The following TP73 variants were observed in gnomAD, a reference collection of about 807,000 sequenced individuals.
TP73 encodes p53-like transcription factor.
TP73 carries 25 observed loss-of-function variants against 62.5 expected under a neutral mutation model. The ratio of observed to expected loss-of-function variants is 0.40; its 90% CI spans 0.29 to 0.56. The LOEUF is 0.56. Among genes scored for constraint, TP73 ranks in the 20% least tolerant of loss-of-function variants. The pLI is 0.46. For missense variants in TP73, 754 were observed against 913.3 expected, an observed-to-expected ratio of 0.83 and a Z score of 2.25; for synonymous variants, 423 against 377.5, an observed-to-expected ratio of 1.12 and a Z score of -1.40.
intron 7 of TP73, 177 bp downstream of exon 7, chr1:3,727,401 T>C (rs901518977): frequency 2.2e-6 from 2 of 917,610 alleles, no homozygotes; most frequent in Non-Finnish European, 1.6e-6. Flanking sequence ...GGGCACAAGC[T>C]GGGCCTCCGG....
Position 3,715,553 on chromosome 1 carries a change from A to G in TP73, c.430-6468A>G, listed in dbSNP as rs555426185. ...ACGGAGTGACAGTGCCTGACCTCCCAGGGCCAAGGTCAGGTGAGGGCCCCG... is the reference window on the plus strand; with the variant it reads ...ACGGAGTGACAGTGCCTGACCTCCCGGGGCCAAGGTCAGGTGAGGGCCCCG... On this transcript the variant is annotated intron_variant, in intron 4 of 13. Coordinates refer to ENST00000378295, the MANE Select transcript of TP73 (RefSeq NM_005427.4). Among the ~76,000 whole-genome samples the G allele has an allele frequency of 2.6e-5, 4 of 152,092 alleles. No homozygotes were observed. In the East Asian group the frequency reaches 7.8e-4, roughly 29 times the overall value.
chr1:3,689,599 G>A (rs1267555882), intron 3 of TP73, among the ~76,000 whole-genome samples: 1 of 152,168 alleles, frequency 6.6e-6, no homozygotes, highest in Non-Finnish European at 1.5e-5. Flanking sequence ...CCGGGGGTGG[G>A]GGTGGGGAGC....
intron 1 of TP73, among the ~76,000 whole-genome samples, chr1:3,659,789 C>T (rs530810053): frequency 6.6e-6 from 1 of 152,260 alleles, no homozygotes; most frequent in African/African-American, 2.4e-5. Flanking sequence ...TCAAGTGATT[C>T]TCCTGCCTCA....
intron 1 of TP73, among the ~76,000 whole-genome samples, chr1:3,659,939 C>T (rs1433248474): frequency 7.9e-5 from 12 of 152,176 alleles, no homozygotes; most frequent in Non-Finnish European, 4.4e-5. Flanking sequence ...TTCGGCCTCC[C>T]AAAGTGCTAG....
chr1:3,718,154 C>A (rs990318317), intron 4 of TP73, among the ~76,000 whole-genome samples: 21 of 152,186 alleles, frequency 1.4e-4, no homozygotes, highest in African/African-American at 4.6e-4. Flanking sequence ...GTGGGTGGTC[C>A]GGCCGCCGCC....
intron 3 of TP73, among the ~76,000 whole-genome samples, chr1:3,694,987 C>G (rs866409246): frequency 2.2e-5 from 2 of 89,060 alleles, no homozygotes; most frequent in African/African-American, 6.9e-5. Context: ...CCCCTCCTCC[C>G]GCAATCCCAG....
At chr1:3,727,419 T>C in intron 7 of TP73, 195 bp downstream of exon 7, 1 of 930,882 alleles carries the variant, frequency 1.1e-6, no homozygotes, top group Admixed American at 2.7e-5. Flanking sequence ...CGGAGGGAGG[T>C]GGGAGTCCCC....
At chr1:3,685,597 C>A (rs1225177549) in intron 3 of TP73, among the ~76,000 whole-genome samples, 1 of 152,202 alleles carries the variant, frequency 6.6e-6, no homozygotes, top group East Asian at 1.9e-4. Context: ...CCCCTGACTC[C>A]CATGGGAGCG....
rs984491190 is a variant in TP73 at position 3,699,590 on chromosome 1, G to A, written c.187-7959G>A. ...GCTGCCTTCTGGAAACGTCTGTCAC[G>A]GGCACACCATGCACCATGCCATGGC... On this transcript the variant is annotated intron_variant, in intron 3 of 13. Transcript: ENST00000378295. This position sits in a 1 kb window ranked among gnomAD's most constrained non-coding sequence, Gnocchi z 4.1. Among the ~76,000 whole-genome samples the A allele has an allele frequency of 3.9e-5, 6 of 152,178 alleles. No individual in the cohort carries two copies. The East Asian group carries it at 7.7e-4, about 20-fold the overall frequency.
chr1:3,700,787 A>T (rs1173585999), intron 3 of TP73, among the ~76,000 whole-genome samples: 1 of 152,214 alleles, frequency 6.6e-6, no homozygotes, highest in Non-Finnish European at 1.5e-5. Flanking sequence ...TCTCAAAAAA[A>T]AAAAAAGTCA....
At chr1:3,705,117 G>C (rs558912869) in intron 3 of TP73, among the ~76,000 whole-genome samples, 1 of 152,312 alleles carries the variant, frequency 6.6e-6, no homozygotes, top group South Asian at 2.1e-4. Flanking sequence ...GCTCTCTGCC[G>C]TCTCAGATTC....
At chr1:3,706,250 G>A (rs947992112) in intron 3 of TP73, among the ~76,000 whole-genome samples, 3 of 152,150 alleles carry the variant, frequency 2.0e-5, no homozygotes, top group East Asian at 1.9e-4. Flanking sequence ...AGATCACTGG[G>A]GTCAATCGTT....
intron 4 of TP73, among the ~76,000 whole-genome samples, chr1:3,710,970 G>A (rs1007677713): frequency 1.3e-5 from 2 of 152,202 alleles, no homozygotes; most frequent in African/African-American, 4.8e-5. Flanking sequence ...GTTTAGCCAC[G>A]AGAGTGTAAC....
chr1:3,729,464 CCCA>C lies in TP73; in HGVS notation c.1196+20_1196+22del. 1.9e-6 allele frequency: 3 copies of C among 1,612,388 alleles called. No homozygotes were observed. The highest frequency in any genetic ancestry group is 2.5e-6 in the Non-Finnish European group (3 of 1,179,906). On this transcript the variant is annotated intron_variant, in intron 10 of 13. Coordinates refer to ENST00000378295, the MANE Select transcript of TP73 (RefSeq NM_005427.4). Reference sequence around the variant, plus strand: ...TACAGAGGCCGTGAGTCAGCCCTAGCCCACCATCAGTGTGGGGAAGGAGGACAT... The same window carrying C: ...TACAGAGGCCGTGAGTCAGCCCTAGCCCATCAGTGTGGGGAAGGAGGACAT...
Position 3,728,213 on chromosome 1 carries a change from T to G in TP73, c.1070T>G (p.Leu357Arg). 1 of 1,611,470 alleles carries G rather than the reference T, an allele frequency of 6.2e-7. No individual in the cohort carries two copies. The highest frequency in any genetic ancestry group is 8.5e-7 in the Non-Finnish European group (1 of 1,179,886). Residue 357 changes from leucine to arginine, a missense_variant, in exon 9 of 14, where the codon CTT (leucine) becomes CGT (arginine). Leu to Arg is a moderately radical substitution (Grantham distance 102). Transcript: ENST00000378295. ...CATGGAGACGAGGACACGTACTACCTTCAGGTGAGTGTGTGCTCCTGCACG... is the reference window on the plus strand; with the variant it reads ...CATGGAGACGAGGACACGTACTACCGTCAGGTGAGTGTGTGCTCCTGCACG... ...RRHGDEDTYY[L>R]QVRGRENFEI...
chr1:3,697,278 C>A (rs890802211), intron 3 of TP73, among the ~76,000 whole-genome samples: 1 of 152,354 alleles, frequency 6.6e-6, no homozygotes, highest in East Asian at 1.9e-4. Flanking sequence ...CCAGAGGGAG[C>A]GCTTTGCAGC....
chr1:3,719,747 G>A (rs1422210374), intron 4 of TP73, among the ~76,000 whole-genome samples: 2 of 149,726 alleles, frequency 1.3e-5, no homozygotes, highest in Non-Finnish European at 2.9e-5. Context: ...CACCTCCAGG[G>A]AAGCCAGACT....
Position 3,701,005 on chromosome 1 carries a change from G to A in TP73, c.187-6544G>A, listed in dbSNP as rs963601916. ...CGCCCTCCACATTCTGAGGAAGGCA[G>A]CCTGGACCCTGGGCACTGTCTGGGC... On this transcript the variant is annotated intron_variant, in intron 3 of 13. Coordinates refer to ENST00000378295, the MANE Select transcript of TP73 (RefSeq NM_005427.4). This position sits in a 1 kb window ranked among gnomAD's most constrained non-coding sequence, Gnocchi z 4.7. Among the ~76,000 whole-genome samples, 1 of 152,240 alleles carries A rather than the reference G, an allele frequency of 6.6e-6. No individual in the cohort carries two copies. Among genetic ancestry groups the A allele is most frequent in the African/African-American group, 2.4e-5 (1 of 41,470 alleles).
Position 3,731,037 on chromosome 1 carries a change from CCCT to C in TP73, c.1457_1459del (p.Pro486_Tyr487delinsHis). 5 of 1,612,262 alleles carry C rather than the reference CCCT, an allele frequency of 3.1e-6. No individual in the cohort carries two copies. The highest frequency in any genetic ancestry group is 2.7e-5 in the African/African-American group (2 of 75,030). ...GGGGTCCCACTGCACTCCGCCACCC[CCCT>C]ACCACGCCGACCCCAGCCTCGTCAG... On this transcript the variant is annotated inframe_deletion, in exon 12 of 14. Transcript: ENST00000378295.
Sources: gnomAD v4.1 joint callset for allele counts (sites outside exome capture counted in the v4.1 genomes callset) on GRCh38, gnomAD v4.1.1 for gene constraint, Gnocchi (gnomAD v3.1) non-coding constraint, MANE v1.5 for transcripts, NCBI Gene and HGNC (gene_info 2026-07-23, HGNC 2026-07-21) for gene names.